ERG: variants seen among roughly 807,000 people sequenced by gnomAD.
ERG encodes the protein transcriptional regulator ERG.
In ERG, 9 loss-of-function variants were observed where a neutral mutation model predicts 55.3. The observed-to-expected ratio is 0.16, with a 90% CI of 0.10 to 0.28. The LOEUF is 0.28. Among genes scored for constraint, ERG ranks in the 10% least tolerant of loss-of-function variants. The probability of loss-of-function intolerance (pLI) is 1.00; values close to 1 mark genes in which losing one functional copy is unlikely to be tolerated. For missense variants in ERG, 434 were observed against 631.6 expected (o/e 0.69, Z 3.35); for synonymous variants, 223 against 237.3 (o/e 0.94, Z 0.55).
chr21:38,442,109 G>T (rs2058846820), intron 2 of ERG, among the ~76,000 whole-genome samples: 1 of 152,192 alleles, frequency 6.6e-6, no homozygotes, highest in Admixed American at 6.5e-5. Flanking sequence ...TTGTTTCCTT[G>T]AAAGAAAATG....
intron 1 of ERG, among the ~76,000 whole-genome samples, chr21:38,634,525 C>A (rs1003005761): frequency 6.6e-6 from 1 of 152,008 alleles, no homozygotes; most frequent in Non-Finnish European, 1.5e-5. Flanking sequence ...AACAATCAAC[C>A]TCTCCTCCAA....
chr21:38,403,553 C>A lies in ERG; in HGVS notation c.545G>T (p.Ser182Ile). ...TGAGAGAAGGATGTCGGCGTTGTAG[C>A]TGGGGGTGAGCCTCTGGAAGTCGTC... ...TKDDFQRLTP[S>I]YNADILLSHL... The change falls in exon 4 of 10, where the codon AGC (serine) becomes ATC (isoleucine). Residue 182 changes from serine to isoleucine, a missense_variant. By Grantham distance (142) the Ser-to-Ile change is moderately radical (BLOSUM62 -2). Transcript: ENST00000288319. 1 of 1,614,194 alleles carries A rather than the reference C, an allele frequency of 6.2e-7. No individual in the cohort carries two copies.
intron 1 of ERG, among the ~76,000 whole-genome samples, chr21:38,583,625 C>T (rs1217835741): frequency 6.6e-6 from 1 of 152,188 alleles, no homozygotes; most frequent in Non-Finnish European, 1.5e-5. Context: ...GGAGTACTAA[C>T]CCCCGGTCCC....
chr21:38,566,989 C>T (rs1270227084), intron 2 of ERG, among the ~76,000 whole-genome samples: 3 of 152,174 alleles, frequency 2.0e-5, no homozygotes, highest in African/African-American at 4.8e-5. Flanking sequence ...GAATCTCCTC[C>T]AAACCCCTCT....
Position 38,391,039 on chromosome 21 carries a change from G to C in ERG, c.875C>G (p.Pro292Arg). The C allele has an allele frequency of 6.2e-7, 1 of 1,612,920 alleles. No homozygotes were observed. The highest frequency in any genetic ancestry group is 2.2e-5 in the East Asian group (1 of 44,862). Residue 292 changes from proline to arginine, a missense_variant, in exon 9 of 10, where the codon CCT (proline) becomes CGT (arginine). Coordinates refer to ENST00000288319, the MANE Select transcript of ERG (RefSeq NM_182918.4). ...ACTTGTTGGTCCAAGAATCTGATAA[G>C]GATCTACAGCAAAAAGAAACAAAGT... ...KTEDQRPQLD[P>R]YQILGPTSSR...
chr21:38,404,980 T>G (rs1988693966), intron 3 of ERG, among the ~76,000 whole-genome samples: 1 of 152,132 alleles, frequency 6.6e-6, no homozygotes, highest in Non-Finnish European at 1.5e-5. Flanking sequence ...GTTCTCTTCC[T>G]CTCCCTCCTT....
intron 2 of ERG, among the ~76,000 whole-genome samples, chr21:38,437,893 C>T (rs969834216): frequency 3.9e-5 from 6 of 152,170 alleles, no homozygotes; most frequent in Admixed American, 3.9e-4. Context: ...CCAGAGAGGC[C>T]CTGCAAAATC....
chr21:38,382,486 T>C lies in ERG; in HGVS notation c.*917A>G, dbSNP rs1987493380. The C allele has an allele frequency of 9.4e-7, 1 of 1,064,462 alleles. No homozygotes were observed. The highest frequency in any genetic ancestry group is 5.0e-5 in the East Asian group (1 of 19,928). 65.9% of individuals were successfully genotyped at this position (1,064,462 alleles called of 1,614,324 possible). ...GACAAACAAAGAAAGAGATGCGCAT[T>C]TTTGTTTCTGAATTCTACTACTTCC... is the stretch of plus-strand genomic sequence containing the variant. On this transcript the variant is annotated 3_prime_UTR_variant, in exon 10 of 10. Coordinates refer to ENST00000288319, the MANE Select transcript of ERG (RefSeq NM_182918.4).
rs570524044 is a variant in ERG, at chr21:38,439,448, T to C, written c.236+5956A>G. Among the ~76,000 whole-genome samples, 5 of 152,312 alleles carry C rather than the reference T, an allele frequency of 3.3e-5. No homozygotes were observed. In the South Asian group the frequency reaches 1.0e-3, roughly 32 times the overall value. On this transcript the variant is annotated intron_variant, in intron 2 of 9. Transcript: ENST00000288319. ...GCGCTGAAACTCCCAGCCAGGCCCT[T>C]GGTGTGGATGGCACAGGAAAACAGC...
intron 1 of ERG, among the ~76,000 whole-genome samples, chr21:38,446,295 A>C (rs142984127): frequency 6.6e-6 from 1 of 151,270 alleles, no homozygotes; most frequent in African/African-American, 2.4e-5. Context: ...AGGATGTTTA[A>C]AATATCTGGA....
chr21:38,379,017 TC>T (rs1221614763), downstream of ERG, among the ~76,000 whole-genome samples: 1 of 152,198 alleles, frequency 6.6e-6, no homozygotes, highest in Non-Finnish European at 1.5e-5. Context: ...AAGCTGCTAT[TC>T]TACATCTCAT....
intron 1 of ERG, among the ~76,000 whole-genome samples, chr21:38,461,630 C>T (rs1456644838): frequency 6.6e-6 from 1 of 152,154 alleles, no homozygotes; most frequent in South Asian, 2.1e-4. Context: ...TCCCCAGACC[C>T]CTCTAAGGGC....
intron 1 of ERG, among the ~76,000 whole-genome samples, chr21:38,454,375 C>T (rs1569111980): frequency 1.3e-5 from 2 of 152,140 alleles, no homozygotes; most frequent in Non-Finnish European, 2.9e-5. Flanking sequence ...TAACCCTTTC[C>T]TGCCCCAAGT....
At chr21:38,490,001 G>C (rs570229175) in intron 1 of ERG, among the ~76,000 whole-genome samples, 14 of 152,358 alleles carry the variant, frequency 9.2e-5, no homozygotes, top group Non-Finnish European at 1.6e-4. Context: ...AGACACAGAA[G>C]TTAACAACGC....
At chr21:38,428,694 C>T (rs952148750) in intron 2 of ERG, among the ~76,000 whole-genome samples, 2 of 152,108 alleles carry the variant, frequency 1.3e-5, no homozygotes, top group East Asian at 1.9e-4. Flanking sequence ...CACATACTTG[C>T]ATATGTGTGT....
intron 1 of ERG, among the ~76,000 whole-genome samples, chr21:38,447,656 T>C (rs945784282): frequency 6.6e-6 from 1 of 151,754 alleles, no homozygotes; most frequent in African/African-American, 2.4e-5. Context: ...GACTTAGTCA[T>C]GCTAATTAAG....
Position 38,382,246 on chromosome 21 carries a change from A to T in ERG, c.*1157T>A. ...TTATTATATAAAAAGGGGGAAAAACATTGACTTGTATACTTCATTCTGACA... is the reference window on the plus strand; with the variant it reads ...TTATTATATAAAAAGGGGGAAAAACTTTGACTTGTATACTTCATTCTGACA... On this transcript the variant is annotated 3_prime_UTR_variant, in exon 10 of 10. Coordinates refer to ENST00000288319, the MANE Select transcript of ERG (RefSeq NM_182918.4). 1.0e-5 allele frequency: 11 copies of T among 1,050,200 alleles called. No homozygotes were observed. The highest frequency in any genetic ancestry group is 1.3e-5 in the Non-Finnish European group (11 of 869,344). The allele number at this position is 1,050,200 out of a possible 1,614,324, so 65.1% of individuals were successfully genotyped here.
At chr21:38,511,837 T>C (rs780714324) in intron 2 of ERG, among the ~76,000 whole-genome samples, 1 of 152,194 alleles carries the variant, frequency 6.6e-6, no homozygotes, top group Non-Finnish European at 1.5e-5. Flanking sequence ...CTAGCATTCC[T>C]GGCCTCTACC....
intron 2 of ERG, among the ~76,000 whole-genome samples, chr21:38,529,053 A>G (rs1182341014): frequency 6.6e-6 from 1 of 152,126 alleles, no homozygotes; most frequent in East Asian, 1.9e-4. Flanking sequence ...ATATTCTAGA[A>G]CCACCAAGAA....
Sources: allele counts gnomAD v4.1 joint callset (sites outside exome capture counted in the v4.1 genomes callset), GRCh38; gene constraint gnomAD v4.1.1; transcripts MANE v1.5; gene names NCBI Gene and HGNC (gene_info 2026-07-23, HGNC 2026-07-21).